MECOM: variants seen among roughly 807,000 people sequenced by gnomAD.
The protein encoded by MECOM is MDS1 and EVI1 complex locus.
In MECOM, 13 loss-of-function variants were observed where a neutral mutation model predicts 116.3. The observed-to-expected ratio is 0.11, with a 90% CI of 0.07 to 0.18. The LOEUF (loss-of-function observed/expected upper bound fraction) is 0.18. Ranked by LOEUF, MECOM falls within the 10% of genes least tolerant of loss-of-function variation. MECOM has a pLI of 1.00. For synonymous variants in MECOM, 528 were observed against 535.2 expected (o/e 0.99, Z 0.19); for missense variants, 1,299 against 1,509.0 (o/e 0.86, Z 2.31).
intron 2 of MECOM, among the ~76,000 whole-genome samples, chr3:169,297,644 AT>A (rs149746865): frequency 0.052 from 7,983 of 152,144 alleles, 604 homozygotes; most frequent in African/African-American, 0.17. Context: ...AAAAAATATT[AT>A]TTTAAAAAAA....
intron 1 of MECOM, among the ~76,000 whole-genome samples, chr3:169,548,838 T>C (rs1310711299): frequency 6.6e-6 from 1 of 152,232 alleles, no homozygotes; most frequent in Admixed American, 6.5e-5. Context: ...AGGCACTGGG[T>C]ACTCTCATTA....
intron 2 of MECOM, among the ~76,000 whole-genome samples, chr3:169,272,134 C>T (rs1759023366): frequency 6.6e-6 from 1 of 152,110 alleles, no homozygotes; most frequent in African/African-American, 2.4e-5. Flanking sequence ...CTTATTTTAC[C>T]CAGCTTGCAC....
chr3:169,153,790 C>T (rs936671383), intron 2 of MECOM, among the ~76,000 whole-genome samples: 21 of 152,172 alleles, frequency 1.4e-4, no homozygotes, highest in African/African-American at 2.6e-4. Flanking sequence ...CAGACTATTA[C>T]GAGTGTTGGG....
At chr3:169,360,695 A>G (rs914422480) in intron 2 of MECOM, among the ~76,000 whole-genome samples, 2 of 151,846 alleles carry the variant, frequency 1.3e-5, no homozygotes, top group African/African-American at 2.4e-5. Context: ...GGGAAAAAAA[A>G]GCAAATTCAC....
At chr3:169,399,300 T>C (rs544624491) in intron 1 of MECOM, among the ~76,000 whole-genome samples, 24 of 152,302 alleles carry the variant, frequency 1.6e-4, no homozygotes, top group African/African-American at 5.8e-4. Flanking sequence ...TTGAAAGCTG[T>C]ACTTTGTACC....
chr3:169,382,177 G>C (rs1242566354), intron 1 of MECOM, among the ~76,000 whole-genome samples: 3 of 152,112 alleles, frequency 2.0e-5, no homozygotes, highest in African/African-American at 7.2e-5. Flanking sequence ...ATTCGTAAAC[G>C]CTAAAATCGT....
intron 2 of MECOM, among the ~76,000 whole-genome samples, chr3:169,242,114 G>C (rs2149552730): frequency 6.6e-6 from 1 of 152,248 alleles, no homozygotes; most frequent in Non-Finnish European, 1.5e-5. Flanking sequence ...TTCTTTTAAA[G>C]GCACTTTTAA....
intron 1 of MECOM, among the ~76,000 whole-genome samples, chr3:169,656,160 G>C (rs143272189): frequency 6.6e-6 from 1 of 152,192 alleles, no homozygotes; most frequent in Non-Finnish European, 1.5e-5. Flanking sequence ...CCATGTACAA[G>C]CACTTTCATT....
chr3:169,103,719 A>C (rs976621959), intron 10 of MECOM, among the ~76,000 whole-genome samples: 15 of 152,208 alleles, frequency 9.9e-5, no homozygotes, highest in African/African-American at 3.6e-4. Flanking sequence ...AAAATTAACA[A>C]GACATATATT....
intron 1 of MECOM, among the ~76,000 whole-genome samples, chr3:169,462,916 C>A (rs1747698369): frequency 1.3e-5 from 2 of 152,194 alleles, no homozygotes; most frequent in Admixed American, 6.5e-5. Flanking sequence ...AAAGAACAAC[C>A]TCATGTAAGA....
intron 1 of MECOM, among the ~76,000 whole-genome samples, chr3:169,616,512 A>G (rs1158921108): frequency 1.3e-5 from 2 of 151,990 alleles, no homozygotes. Flanking sequence ...CACCTGGCTA[A>G]TTTTTGTATT....
At chr3:169,449,523 C>T (rs1745197657) in intron 1 of MECOM, among the ~76,000 whole-genome samples, 1 of 152,080 alleles carries the variant, frequency 6.6e-6, no homozygotes, top group African/African-American at 2.4e-5. Context: ...TTCATTATAG[C>T]TATAATTTAT....
chr3:169,400,885 A>G (rs974541970), intron 1 of MECOM, among the ~76,000 whole-genome samples: 4 of 152,216 alleles, frequency 2.6e-5, no homozygotes, highest in African/African-American at 9.6e-5. Flanking sequence ...TAAGAGAAGC[A>G]AACAAGGCTC....
chr3:169,459,075 T>A (rs535927622), intron 1 of MECOM, among the ~76,000 whole-genome samples: 35 of 152,366 alleles, frequency 2.3e-4, no homozygotes, highest in African/African-American at 6.5e-4. Flanking sequence ...AAGGTTGTTT[T>A]AGAGCGTTTC....
intron 9 of MECOM, among the ~76,000 whole-genome samples, chr3:169,111,536 G>A (rs1304616892): frequency 2.6e-5 from 4 of 152,052 alleles, no homozygotes; most frequent in East Asian, 3.9e-4. Context: ...ATATAGTCCC[G>A]ATAAACATTA....
intron 2 of MECOM, among the ~76,000 whole-genome samples, chr3:169,151,703 A>G (rs1418884821): frequency 7.6e-6 from 1 of 131,754 alleles, no homozygotes; most frequent in Non-Finnish European, 1.7e-5. Context: ...TGTGTGTTTA[A>G]AAAGAAAATC....
intron 2 of MECOM, among the ~76,000 whole-genome samples, chr3:169,193,228 T>C (rs116037658): frequency 0.013 from 2,038 of 152,160 alleles, 45 homozygotes; most frequent in African/African-American, 0.047. Flanking sequence ...AGACTTGACT[T>C]AATCATAGTT....
intron 2 of MECOM, among the ~76,000 whole-genome samples, chr3:169,328,200 T>C (rs1046375796): frequency 6.6e-6 from 1 of 152,224 alleles, no homozygotes; most frequent in Non-Finnish European, 1.5e-5. Flanking sequence ...TATCTCTTTG[T>C]TGTCTCTTGT....
chr3:169,097,840 A>AAAAAAAAAAAAAAAT (rs1722193549), intron 12 of MECOM, among the ~76,000 whole-genome samples: 1 of 140,652 alleles, frequency 7.1e-6, no homozygotes. Flanking sequence ...AAAAAAAAAA[A>AAAAAAAAAAAAAAAT]GGTGGATTCC....
Sources: allele counts gnomAD v4.1 joint callset (sites outside exome capture counted in the v4.1 genomes callset), GRCh38; gene constraint gnomAD v4.1.1; transcripts MANE v1.5; gene names NCBI Gene and HGNC (gene_info 2026-07-23, HGNC 2026-07-21).